The following CALCR variants were observed in gnomAD, a reference collection of about 807,000 sequenced individuals.
CALCR encodes the protein calcitonin receptor.
A neutral mutation model predicts 59.5 loss-of-function variants in CALCR; 47 were observed. The observed-to-expected ratio is 0.79, with a 90% CI of 0.63 to 1.01. The LOEUF (loss-of-function observed/expected upper bound fraction) is 1.01. CALCR is among the 50% of genes least tolerant of loss of function. CALCR has a pLI of 0.00. For missense variants in CALCR, 566 were observed against 597.1 expected, an observed-to-expected ratio of 0.95 and a Z score of 0.54; for synonymous variants, 213 against 211.3, an observed-to-expected ratio of 1.01 and a Z score of -0.07.
At chr7:93,496,664 A>G (rs1044997530) in intron 2 of CALCR, among the ~76,000 whole-genome samples, 1 of 151,598 alleles carries the variant, frequency 6.6e-6, no homozygotes, top group Non-Finnish European at 1.5e-5. Context: ...TATCTTGGCT[A>G]TGAGAACAAG....
At chr7:93,450,468 T>G (rs1006367152) in intron 8 of CALCR, among the ~76,000 whole-genome samples, 5 of 152,006 alleles carry the variant, frequency 3.3e-5, no homozygotes, top group Admixed American at 3.3e-4. Context: ...ACACAGAATC[T>G]GAGGCCCCTC....
At chr7:93,527,124 G>C (rs1337880795) in intron 2 of CALCR, among the ~76,000 whole-genome samples, 2 of 151,674 alleles carry the variant, frequency 1.3e-5, no homozygotes, top group Admixed American at 6.6e-5. Flanking sequence ...GTTTTTAGTA[G>C]AACTTCAGAT....
chr7:93,472,342 TC>T, intron 6 of CALCR, 32 bp downstream of exon 6: 1 of 1,203,068 alleles, frequency 8.3e-7, no homozygotes, highest in Non-Finnish European at 1.2e-6. Context: ...AATGACATTC[TC>T]ACTCAATACT....
intron 3 of CALCR, among the ~76,000 whole-genome samples, chr7:93,480,581 A>G (rs1800774281): frequency 6.6e-6 from 1 of 151,848 alleles, no homozygotes; most frequent in African/African-American, 2.4e-5. Context: ...ACTCATCCCT[A>G]TTAAGTTGAC....
chr7:93,565,387 G>A (rs552746253), intron 2 of CALCR, among the ~76,000 whole-genome samples: 1 of 152,276 alleles, frequency 6.6e-6, no homozygotes, highest in East Asian at 1.9e-4. Context: ...TTTGATATTT[G>A]TGGACTCCAC....
At chr7:93,477,219 T>G (rs1800684674) in intron 5 of CALCR, among the ~76,000 whole-genome samples, 1 of 151,888 alleles carries the variant, frequency 6.6e-6, no homozygotes, top group African/African-American at 2.4e-5. Flanking sequence ...CTGGGTCTCC[T>G]TCATAATTAA....
At chr7:93,558,835 T>C (rs1046726821) in intron 2 of CALCR, among the ~76,000 whole-genome samples, 3 of 152,062 alleles carry the variant, frequency 2.0e-5, no homozygotes, top group Admixed American at 1.3e-4. Flanking sequence ...GCGAGCTTGA[T>C]AGCTTGACCA....
chr7:93,481,727 T>G (rs1319139787), intron 3 of CALCR, among the ~76,000 whole-genome samples: 1 of 151,898 alleles, frequency 6.6e-6, no homozygotes, highest in African/African-American at 2.4e-5. Context: ...TGAATAAGGT[T>G]GACACTACTC....
intron 2 of CALCR, among the ~76,000 whole-genome samples, chr7:93,516,315 T>C (rs903696100): frequency 6.6e-6 from 1 of 151,934 alleles, no homozygotes; most frequent in African/African-American, 2.4e-5. Context: ...GCTAAGTTAT[T>C]TCATAAAGCT....
chr7:93,485,742 T>G (rs888455861), intron 3 of CALCR, among the ~76,000 whole-genome samples: 1 of 151,582 alleles, frequency 6.6e-6, no homozygotes, highest in African/African-American at 2.4e-5. Flanking sequence ...TAAAGAAACC[T>G]GCATTTCCAA....
At chr7:93,459,284 A>G (rs1410216940) in intron 8 of CALCR, among the ~76,000 whole-genome samples, 3 of 152,188 alleles carry the variant, frequency 2.0e-5, no homozygotes, top group African/African-American at 7.2e-5. Flanking sequence ...ATGCAAAGGA[A>G]AGAACAAAAA....
intron 2 of CALCR, among the ~76,000 whole-genome samples, chr7:93,568,069 A>G (rs1345306538): frequency 6.6e-6 from 1 of 152,166 alleles, no homozygotes; most frequent in Non-Finnish European, 1.5e-5. Flanking sequence ...TACTTTACAT[A>G]CTACATGGGT....
At chr7:93,439,861 A>G (rs150896191) in intron 9 of CALCR, among the ~76,000 whole-genome samples, 1 of 152,276 alleles carries the variant, frequency 6.6e-6, no homozygotes, top group African/African-American at 2.4e-5. Flanking sequence ...GATCTTCCTG[A>G]GAACTAAACT....
intron 7 of CALCR, among the ~76,000 whole-genome samples, chr7:93,463,324 T>C (rs1163017358): frequency 2.0e-5 from 3 of 151,836 alleles, no homozygotes; most frequent in East Asian, 1.9e-4. Context: ...ATATTTTTCA[T>C]TGGAAACACA....
chr7:93,538,978 G>A (rs1789059834), intron 2 of CALCR, among the ~76,000 whole-genome samples: 1 of 152,036 alleles, frequency 6.6e-6, no homozygotes, highest in Admixed American at 6.6e-5. Flanking sequence ...AAGAGTCTCA[G>A]ATGAAGAAAT....
chr7:93,462,320 T>C (rs1469436766), intron 7 of CALCR, among the ~76,000 whole-genome samples: 6 of 152,122 alleles, frequency 3.9e-5, no homozygotes, highest in Non-Finnish European at 5.9e-5. Context: ...AGAAGAGCTT[T>C]CTCTTACACA....
chr7:93,554,379 GA>G (rs1789538057), intron 2 of CALCR, among the ~76,000 whole-genome samples: 1 of 151,982 alleles, frequency 6.6e-6, no homozygotes, highest in Non-Finnish European at 1.5e-5. Context: ...ATTTCTTATA[GA>G]ATAAGAACCA....
chr7:93,453,639 A>G (rs1418757579), intron 8 of CALCR, among the ~76,000 whole-genome samples: 1 of 152,038 alleles, frequency 6.6e-6, no homozygotes, highest in Admixed American at 6.6e-5. Context: ...GCTAACTGCA[A>G]ATTTTGAGAT....
chr7:93,521,048 C>T (rs913878604), intron 2 of CALCR, among the ~76,000 whole-genome samples: 6 of 152,104 alleles, frequency 3.9e-5, no homozygotes, highest in African/African-American at 1.4e-4. Flanking sequence ...ATATTTCCTT[C>T]CCTATGTTTC....
Sources: gnomAD v4.1 joint callset for allele counts (sites outside exome capture counted in the v4.1 genomes callset) on GRCh38, gnomAD v4.1.1 for gene constraint, MANE v1.5 for transcripts, NCBI Gene and HGNC (gene_info 2026-07-23, HGNC 2026-07-21) for gene names.